The following PDGFRL variants were observed in gnomAD, a reference collection of about 807,000 sequenced individuals.
The protein encoded by PDGFRL is platelet derived growth factor receptor like, also known as platelet-derived growth factor receptor-like protein.
In PDGFRL, 46 loss-of-function variants were observed where a neutral mutation model predicts 37.2. The observed-to-expected ratio is 1.24, with a 90% CI of 0.98 to 1.58. PDGFRL has a LOEUF of 1.58. Among genes scored for constraint, PDGFRL ranks in the 40% most tolerant of loss-of-function variants. PDGFRL has a pLI of 0.00. For missense variants in PDGFRL, 692 were observed against 467.6 expected (o/e 1.48, Z -4.43); for synonymous variants, 251 against 184.3 (o/e 1.36, Z -2.93).
In PDGFRL at chr8:17,584,686, T is replaced by C. The variant is rs78518186; in HGVS notation, c.56-4782T>C. Among the ~76,000 whole-genome samples the C allele has an allele frequency of 2.1e-4, 32 of 150,504 alleles. No homozygotes were observed. The East Asian group carries it at 6.3e-3, about 30-fold the overall frequency. On this transcript the variant is annotated intron_variant, in intron 1 of 5. Coordinates refer to ENST00000251630, the MANE Select transcript of PDGFRL (RefSeq NM_001372073.1). ...ATACTTCAGATTGAGGCCTTTATCCTGGCATTGAAGGATCTAATTCTCAGA... is the reference window on the plus strand; with the variant it reads ...ATACTTCAGATTGAGGCCTTTATCCCGGCATTGAAGGATCTAATTCTCAGA...
At chr8:17,607,047 C>A (rs2129691230) in intron 2 of PDGFRL, among the ~76,000 whole-genome samples, 1 of 152,098 alleles carries the variant, frequency 6.6e-6, no homozygotes, top group Non-Finnish European at 1.5e-5. Flanking sequence ...AGGTGCATGC[C>A]ACCATGCCCT....
At chr8:17,631,947 G>C (rs570079872) in intron 4 of PDGFRL, among the ~76,000 whole-genome samples, 1 of 152,202 alleles carries the variant, frequency 6.6e-6, no homozygotes, top group African/African-American at 2.4e-5. Flanking sequence ...CAAGTGAACG[G>C]AAGTGGCCGG....
At chr8:17,627,910 T>G (rs567793361) in intron 3 of PDGFRL, among the ~76,000 whole-genome samples, 1 of 152,126 alleles carries the variant, frequency 6.6e-6, no homozygotes, top group South Asian at 2.1e-4. Context: ...AATTTAAATC[T>G]TGTTCCTTGC....
chr8:17,613,527 G>A (rs1025861021), intron 2 of PDGFRL, among the ~76,000 whole-genome samples: 1 of 152,148 alleles, frequency 6.6e-6, no homozygotes, highest in Admixed American at 6.5e-5. Flanking sequence ...GAGGGATGTA[G>A]CGTGTGCAGT....
intron 3 of PDGFRL, among the ~76,000 whole-genome samples, chr8:17,627,284 G>A (rs1480295482): frequency 1.3e-5 from 2 of 152,202 alleles, no homozygotes; most frequent in East Asian, 1.9e-4. Flanking sequence ...TAATTTGGAT[G>A]TAGTTTACAG....
At chr8:17,599,136 C>G (rs1452588617) in intron 2 of PDGFRL, among the ~76,000 whole-genome samples, 2 of 152,156 alleles carry the variant, frequency 1.3e-5, no homozygotes, top group African/African-American at 2.4e-5. Context: ...TTCTCTCTCT[C>G]TTTTAAAATT....
At chr8:17,590,188 GCCAGTGCACTC>G (rs1803905140) in intron 2 of PDGFRL, among the ~76,000 whole-genome samples, 1 of 128,216 alleles carries the variant, frequency 7.8e-6, no homozygotes, top group Non-Finnish European at 1.6e-5. Flanking sequence ...CCGAGATAGT[GCCAGTGCACTC>G]CATCCAGCCT....
At chr8:17,623,806 GGT>G (rs999800997) in intron 3 of PDGFRL, among the ~76,000 whole-genome samples, 7 of 150,064 alleles carry the variant, frequency 4.7e-5, no homozygotes, top group Non-Finnish European at 8.9e-5. Context: ...TCTCGGAGTT[GGT>G]GGTTGCAGTG....
chr8:17,641,898 C>CCCGCACCCCCCCCCCCCCCCT, intron 5 of PDGFRL, among the ~76,000 whole-genome samples: 1 of 129,862 alleles, frequency 7.7e-6, no homozygotes, highest in African/African-American at 3.2e-5. Flanking sequence ...AATAGAGGTC[C>CCCGCACCCCCCCCCCCCCCCT]CCGCCACATT....
At chr8:17,576,631 C>G (rs1164601259), upstream of PDGFRL, 2 of 778,432 alleles carry the variant, frequency 2.6e-6, no homozygotes, top group Admixed American at 6.2e-5. Context: ...TCTGCACAGT[C>G]TCATTTTCCA....
chr8:17,601,536 C>T (rs1041397491), intron 2 of PDGFRL, among the ~76,000 whole-genome samples: 3 of 151,400 alleles, frequency 2.0e-5, no homozygotes, highest in Non-Finnish European at 4.4e-5. Context: ...TTGCATGTCA[C>T]GAGGGTTTGG....
chr8:17,581,567 G>C (rs1343517787), intron 1 of PDGFRL, among the ~76,000 whole-genome samples: 1 of 152,118 alleles, frequency 6.6e-6, no homozygotes, highest in Non-Finnish European at 1.5e-5. Context: ...TTGGGCCTTG[G>C]GGGTAGATCC....
chr8:17,596,791 A>C (rs2246488), intron 2 of PDGFRL, among the ~76,000 whole-genome samples: 4 of 152,216 alleles, frequency 2.6e-5, no homozygotes, highest in African/African-American at 4.8e-5. Context: ...AGTCATAGCT[A>C]TATCAACCAC....
chr8:17,598,307 CTTATTTGT>C (rs1413236897), intron 2 of PDGFRL, among the ~76,000 whole-genome samples: 5 of 152,168 alleles, frequency 3.3e-5, no homozygotes, highest in African/African-American at 1.2e-4. Context: ...TATATTATTG[CTTATTTGT>C]TTATTTAATT....
chr8:17,616,831 C>G (rs924864042), intron 2 of PDGFRL, among the ~76,000 whole-genome samples: 1 of 152,164 alleles, frequency 6.6e-6, no homozygotes, highest in Admixed American at 6.5e-5. Context: ...GGGTATAATA[C>G]CAATGAATCA....
intron 5 of PDGFRL, among the ~76,000 whole-genome samples, chr8:17,634,888 G>A (rs1804938570): frequency 6.6e-6 from 1 of 152,180 alleles, no homozygotes; most frequent in South Asian, 2.1e-4. Context: ...ATTAATACCT[G>A]GGTGAGGAAA....
In PDGFRL at chr8:17,589,771, C is replaced by G. The variant is rs1803895487; in HGVS notation, c.353+6C>G. On this transcript the variant is annotated splice_donor_region_variant and intron_variant, in intron 2 of 5. Transcript: ENST00000251630. Reference sequence around the variant, plus strand: ...TTTAAGGATTCTCGCCTCAGGTAAGCATTTTTTTTTAAAACTGTGTAGGGT... The same window carrying G: ...TTTAAGGATTCTCGCCTCAGGTAAGGATTTTTTTTTAAAACTGTGTAGGGT... The G allele has an allele frequency of 1.3e-6, 2 of 1,567,900 alleles. No homozygotes were observed. The highest frequency in any genetic ancestry group is 1.7e-6 in the Non-Finnish European group (2 of 1,150,436).
chr8:17,640,166 G>T (rs1385486246), intron 5 of PDGFRL, among the ~76,000 whole-genome samples: 1 of 151,992 alleles, frequency 6.6e-6, no homozygotes, highest in Admixed American at 6.6e-5. Context: ...TTTCACTGAA[G>T]ATTTTTCCCT....
intron 5 of PDGFRL, among the ~76,000 whole-genome samples, chr8:17,641,150 T>C (rs1341961670): frequency 6.6e-6 from 1 of 152,188 alleles, no homozygotes; most frequent in Non-Finnish European, 1.5e-5. Context: ...AGTTTGTTTC[T>C]AGGCAGTGGA....
Sources: allele counts gnomAD v4.1 joint callset (sites outside exome capture counted in the v4.1 genomes callset), GRCh38; gene constraint gnomAD v4.1.1; transcripts MANE v1.5; gene names NCBI Gene and HGNC (gene_info 2026-07-23, HGNC 2026-07-21).